DAB2IP: variants seen among roughly 807,000 people sequenced by gnomAD.
DAB2IP encodes the protein DAB2 interacting protein, also known as disabled homolog 2-interacting protein.
In DAB2IP, 28 loss-of-function variants were observed where a neutral mutation model predicts 107.2. The observed-to-expected ratio is 0.26, with a 90% CI of 0.19 to 0.36. DAB2IP has a LOEUF of 0.36. DAB2IP is among the 10% of genes least tolerant of loss of function. The probability of loss-of-function intolerance (pLI) is 1.00; values close to 1 mark genes in which losing one functional copy is unlikely to be tolerated. For synonymous variants in DAB2IP, 755 were observed against 706.4 expected, an observed-to-expected ratio of 1.07 and a Z score of -1.09; for missense variants, 1,400 against 1,644.7, an observed-to-expected ratio of 0.85 and a Z score of 2.57.
Position 121,633,631 on chromosome 9 carries a change from C to T in DAB2IP, c.41-45047C>T, listed in dbSNP as rs1216838066. Reference sequence around the variant, plus strand: ...TTAAGACCTGGCAGGCTCTATCCCCCTTGGTGCTCTCAGACCATTGCCCAG... The same window carrying T: ...TTAAGACCTGGCAGGCTCTATCCCCTTTGGTGCTCTCAGACCATTGCCCAG... On this transcript the variant is annotated intron_variant, in intron 1 of 16. Transcript: ENST00000259371. This position sits in a 1 kb window ranked among gnomAD's most constrained non-coding sequence, Gnocchi z 5.1. Among the ~76,000 whole-genome samples, 1 of 152,194 alleles carries T rather than the reference C, an allele frequency of 6.6e-6. No homozygotes were observed. Among genetic ancestry groups the T allele is most frequent in the Non-Finnish European group, 1.5e-5 (1 of 68,032 alleles).
intron 9 of DAB2IP, among the ~76,000 whole-genome samples, chr9:121,768,192 A>G (rs1834425025): frequency 6.6e-6 from 1 of 152,214 alleles, no homozygotes; most frequent in Non-Finnish European, 1.5e-5. Context: ...CAGGCAGTGT[A>G]TGGGGGACAC....
At chr9:121,718,388 A>G (rs1485840222) in intron 3 of DAB2IP, among the ~76,000 whole-genome samples, 2 of 152,302 alleles carry the variant, frequency 1.3e-5, no homozygotes, top group East Asian at 3.9e-4. Flanking sequence ...AAGGGATGTC[A>G]TCAACATACG....
chr9:121,604,106 G>A (rs1345009823), intron 1 of DAB2IP, among the ~76,000 whole-genome samples: 1 of 151,948 alleles, frequency 6.6e-6, no homozygotes, highest in East Asian at 1.9e-4. Context: ...ATGACTGGGG[G>A]TCAAGGGCAG....
At chr9:121,679,073 G>C (rs972661620) in intron 2 of DAB2IP, among the ~76,000 whole-genome samples, 2 of 152,170 alleles carry the variant, frequency 1.3e-5, no homozygotes, top group South Asian at 2.1e-4. Flanking sequence ...AAGAGAAGAG[G>C]CTCTTGTTAG....
intron 3 of DAB2IP, among the ~76,000 whole-genome samples, chr9:121,746,892 G>C (rs1361217251): frequency 6.6e-6 from 1 of 152,176 alleles, no homozygotes; most frequent in Non-Finnish European, 1.5e-5. Flanking sequence ...TTAGAAACCA[G>C]TCCCACTCAG....
exon 10 of DAB2IP, chr9:121,768,528 C>A: frequency 6.2e-7 from 1 of 1,614,212 alleles, no homozygotes; most frequent in Non-Finnish European, 8.5e-7. Context: ...TCTCCAACCC[C>A]GAGACCCTCT....
chr9:121,567,283 A>G, intron 1 of DAB2IP: 2 of 1,612,290 alleles, frequency 1.2e-6, no homozygotes, highest in Non-Finnish European at 1.7e-6. Flanking sequence ...TCTGCTCAAC[A>G]GACTTTTCTC....
intron 1 of DAB2IP, among the ~76,000 whole-genome samples, chr9:121,570,581 C>T (rs1302820610): frequency 6.6e-6 from 1 of 152,136 alleles, no homozygotes; most frequent in African/African-American, 2.4e-5. Flanking sequence ...CAGGGTCTCA[C>T]TCTGTCACCC....
rs567863257 is a variant in DAB2IP at position 121,760,221 on chromosome 9, C to A, written c.952C>A (p.Pro318Thr). Residue 318 changes from proline (P) to threonine (T), a missense_variant, in exon 6 of 16, where the codon CCC (proline) becomes ACC (threonine). Around this residue, in one of 3 missense-constraint regions of DAB2IP, gnomAD observed 517 missense variants for 748.6 expected, o/e 0.69. Coordinates refer to ENST00000408936, the Ensembl canonical transcript of DAB2IP. This position sits in a 1 kb window ranked among gnomAD's most constrained non-coding sequence, Gnocchi z 5.9. ...GTGGTACCCGGTGGTGACGCCCAACCCCAAGGGCGGCAAGGGCCCTGGACC... is the reference window on the plus strand; with the variant it reads ...GTGGTACCCGGTGGTGACGCCCAACACCAAGGGCGGCAAGGGCCCTGGACC... The A allele has an allele frequency of 6.2e-7, 1 of 1,613,724 alleles. No individual in the cohort carries two copies. Among genetic ancestry groups the A allele is most frequent in the South Asian group, 1.1e-5 (1 of 91,084 alleles).
chr9:121,645,973 G>A (rs1006548088), intron 1 of DAB2IP, among the ~76,000 whole-genome samples: 1 of 152,126 alleles, frequency 6.6e-6, no homozygotes, highest in Non-Finnish European at 1.5e-5. Context: ...GAGACCCAGA[G>A]GTATCACACG....
chr9:121,743,408 A>G (rs1832485628), intron 3 of DAB2IP, among the ~76,000 whole-genome samples: 1 of 151,880 alleles, frequency 6.6e-6, no homozygotes, highest in Admixed American at 6.6e-5. Flanking sequence ...TAACCTGATC[A>G]TGAATTTTGG....
chr9:121,712,351 T>A (rs1344837460), intron 3 of DAB2IP, among the ~76,000 whole-genome samples: 1 of 152,234 alleles, frequency 6.6e-6, no homozygotes, highest in East Asian at 1.9e-4. Flanking sequence ...TCAGCTGTTG[T>A]GGGGCTTAGC....
intron 3 of DAB2IP, among the ~76,000 whole-genome samples, chr9:121,710,749 C>T (rs1452608345): frequency 6.6e-6 from 1 of 152,210 alleles, no homozygotes; most frequent in African/African-American, 2.4e-5. Flanking sequence ...GACTCCCCCA[C>T]CAGCCTCTGC....
intron 1 of DAB2IP, among the ~76,000 whole-genome samples, chr9:121,627,898 T>C (rs969309484): frequency 6.6e-6 from 1 of 152,268 alleles, no homozygotes; most frequent in African/African-American, 2.4e-5. Context: ...TGTTTCTATC[T>C]GCTGCGTAGA....
At chr9:121,678,849 C>T (rs1828421280) in intron 2 of DAB2IP, 68 bp downstream of exon 2, 7 of 1,388,056 alleles carry the variant, frequency 5.0e-6, no homozygotes, top group Admixed American at 4.8e-5. Context: ...GGGTGCTGCT[C>T]TGTGACCCCA....
intron 1 of DAB2IP, among the ~76,000 whole-genome samples, chr9:121,572,714 C>T (rs897812193): frequency 6.6e-6 from 1 of 152,084 alleles, no homozygotes; most frequent in Non-Finnish European, 1.5e-5. Flanking sequence ...TCTTGGAGCT[C>T]TGGAGGAGTA....
chr9:121,713,692 G>A (rs116070547), intron 3 of DAB2IP, among the ~76,000 whole-genome samples: 1 of 152,176 alleles, frequency 6.6e-6, no homozygotes, highest in Non-Finnish European at 1.5e-5. Flanking sequence ...GGAGCCTGGG[G>A]TGAATTTGTT....
At chr9:121,728,074 C>T (rs1831333473) in intron 3 of DAB2IP, among the ~76,000 whole-genome samples, 1 of 152,134 alleles carries the variant, frequency 6.6e-6, no homozygotes, top group Admixed American at 6.5e-5. Context: ...AAAGTACCAA[C>T]CCAGCTATTA....
chr9:121,776,273 CAGG>C lies in DAB2IP; in HGVS notation c.3202_3204del (p.Glu1068del), dbSNP rs1225844585. The C allele has an allele frequency of 6.3e-7, 1 of 1,584,590 alleles. No homozygotes were observed. The highest frequency in any genetic ancestry group is 2.3e-5 in the East Asian group (1 of 43,740). On this transcript the variant is annotated inframe_deletion, in exon 14 of 16. Coordinates refer to ENST00000408936, the Ensembl canonical transcript of DAB2IP. This position sits in a 1 kb window ranked among gnomAD's most constrained non-coding sequence, Gnocchi z 5.4. ...GGAGTATGAGACCCTGTTCAAGTGC[CAGG>C]AGGAGACGACGCAGAAGCTGGTGCT...
Sources: allele counts gnomAD v4.1 joint callset (sites outside exome capture counted in the v4.1 genomes callset), GRCh38; gene constraint gnomAD v4.1.1; regional missense constraint gnomAD v4.1.1; non-coding constraint Gnocchi (gnomAD v3.1); transcripts MANE v1.5; gene names NCBI Gene and HGNC (gene_info 2026-07-23, HGNC 2026-07-21).